RAP1GAP2: variants seen among roughly 807,000 people sequenced by gnomAD.
RAP1GAP2 encodes the protein RAP1 GTPase activating protein 2, also known as rap1 GTPase-activating protein 2.
In RAP1GAP2, 27 loss-of-function variants were observed where a neutral mutation model predicts 95.0. That is an observed-to-expected ratio of 0.28 (90% confidence interval 0.21 to 0.39). The LOEUF (loss-of-function observed/expected upper bound fraction) is 0.39. Ranked by LOEUF, RAP1GAP2 falls within the 10% of genes least tolerant of loss-of-function variation. The probability of loss-of-function intolerance (pLI) is 1.00; values close to 1 mark genes in which losing one functional copy is unlikely to be tolerated. For missense variants in RAP1GAP2, 771 were observed against 970.0 expected, an observed-to-expected ratio of 0.79 and a Z score of 2.72; for synonymous variants, 373 against 380.9, an observed-to-expected ratio of 0.98 and a Z score of 0.24.
intron 2 of RAP1GAP2, among the ~76,000 whole-genome samples, chr17:2,858,394 C>G (rs2072236298): frequency 6.6e-6 from 1 of 152,028 alleles, no homozygotes; most frequent in African/African-American, 2.4e-5. Flanking sequence ...AAGCCTATCG[C>G]AATTCTTGTT....
In RAP1GAP2 at chr17:2,797,260, C is replaced by G. The variant is rs1386438868; in HGVS notation, c.44+689C>G. Among the ~76,000 whole-genome samples the G allele has an allele frequency of 6.6e-6, 1 of 152,174 alleles. No homozygotes were observed. Among genetic ancestry groups the G allele is most frequent in the Non-Finnish European group, 1.5e-5 (1 of 68,030 alleles). ...AGCTGCATCTGTCCCCAGCCTCCTG[C>G]CTGGCCCTCTGGACACTCTTGCCTC... On this transcript the variant is annotated intron_variant, in intron 1 of 24. Coordinates refer to ENST00000254695, the MANE Select transcript of RAP1GAP2 (RefSeq NM_015085.5). This position sits in a 1 kb window ranked among gnomAD's most constrained non-coding sequence, Gnocchi z 5.6.
chr17:2,891,910 G>A (rs1306320940), intron 2 of RAP1GAP2, among the ~76,000 whole-genome samples: 3 of 129,458 alleles, frequency 2.3e-5, no homozygotes, highest in African/African-American at 8.8e-5. Context: ...TGCAACCTCT[G>A]CCTCCTCGGT....
chr17:2,897,632 T>A (rs778456139), intron 2 of RAP1GAP2, among the ~76,000 whole-genome samples: 1 of 151,678 alleles, frequency 6.6e-6, no homozygotes, highest in African/African-American at 2.4e-5. Context: ...GGTGCTGGGA[T>A]GACAGGCGTG....
chr17:3,016,054 G>A (rs1365941473), intron 17 of RAP1GAP2, among the ~76,000 whole-genome samples: 1 of 152,184 alleles, frequency 6.6e-6, no homozygotes, highest in Non-Finnish European at 1.5e-5. Flanking sequence ...GAAAATTCAT[G>A]AGCTGGTGTC....
At position 3,003,439 on chromosome 17, in the gene RAP1GAP2, G is replaced by A. The variant is rs2046231560; in HGVS notation, c.1201-1930G>A. ...TCAGGAATCTCAGGTGAAGCCCACC[G>A]CCGGGGAGGGCCCTGTCTTTGTAGC... On this transcript the variant is annotated intron_variant, in intron 14 of 24. Transcript: ENST00000254695. This position sits in a 1 kb window ranked among gnomAD's most constrained non-coding sequence, Gnocchi z 4.1. Among the ~76,000 whole-genome samples the A allele has an allele frequency of 6.6e-6, 1 of 152,056 alleles. No individual in the cohort carries two copies. The highest frequency in any genetic ancestry group is 1.9e-4 in the East Asian group (1 of 5,176).
rs1215478367 is a variant in RAP1GAP2, at chr17:2,817,606, C to T, written c.80+17056C>T. 4.3e-5 allele frequency among the ~76,000 whole-genome samples: 5 copies of T among 116,370 alleles called. 1 individual carries two copies. The highest frequency in any genetic ancestry group is 5.7e-5 in the African/African-American group (2 of 35,088). The allele number at this position is 116,370 out of a possible 152,430, so 76.3% of individuals were successfully genotyped here. On this transcript the variant is annotated intron_variant, in intron 2 of 24. Transcript: ENST00000254695. ...CATGATCTCGGCTCACTGCAACCTC[C>T]GCCTCCCTGGTTCAAGTGATTCTCC...
intron 2 of RAP1GAP2, among the ~76,000 whole-genome samples, chr17:2,828,044 A>G (rs1350115644): frequency 6.6e-6 from 1 of 152,056 alleles, no homozygotes; most frequent in Non-Finnish European, 1.5e-5. Flanking sequence ...GGGTCTTAGA[A>G]TTTAACTTAT....
intron 3 of RAP1GAP2, among the ~76,000 whole-genome samples, chr17:2,938,950 C>T (rs1197119876): frequency 6.6e-6 from 1 of 152,156 alleles, no homozygotes; most frequent in African/African-American, 2.4e-5. Flanking sequence ...CATCCCATTG[C>T]ATTCCAGCCT....
intron 2 of RAP1GAP2, among the ~76,000 whole-genome samples, chr17:2,869,540 C>T (rs1370927965): frequency 6.6e-6 from 1 of 152,068 alleles, no homozygotes; most frequent in Admixed American, 6.6e-5. Flanking sequence ...TGGTGGTTCT[C>T]GCCTGGTCTC....
intron 2 of RAP1GAP2, among the ~76,000 whole-genome samples, chr17:2,819,364 G>A (rs2070181147): frequency 6.7e-6 from 1 of 149,264 alleles, no homozygotes; most frequent in Non-Finnish European, 1.5e-5. Context: ...TTGCTCTGCT[G>A]GAGTGCAGTG....
intron 8 of RAP1GAP2, among the ~76,000 whole-genome samples, chr17:2,966,764 A>G (rs1474594910): frequency 6.6e-6 from 1 of 152,192 alleles, no homozygotes; most frequent in Non-Finnish European, 1.5e-5. Flanking sequence ...CTGGATCTCC[A>G]TCTCCAAATA....
Position 3,005,315 on chromosome 17 carries a change from G to A in RAP1GAP2, c.1201-54G>A. The A allele has an allele frequency of 5.2e-6, 8 of 1,539,814 alleles. No homozygotes were observed. The highest frequency in any genetic ancestry group is 7.2e-6 in the Non-Finnish European group (8 of 1,112,394). On this transcript the variant is annotated intron_variant, in intron 14 of 24. Coordinates refer to ENST00000254695, the MANE Select transcript of RAP1GAP2 (RefSeq NM_015085.5). This position sits in a 1 kb window ranked among gnomAD's most constrained non-coding sequence, Gnocchi z 5.2. ...TTTGTAAGGAGCGTGGCTCCCGTAG[G>A]GGCAGCGCTCGTCTCTTCCCTCCAG...
chr17:2,756,142 G>A (rs1214355218), intron 1 of RAP1GAP2, among the ~76,000 whole-genome samples: 1 of 152,212 alleles, frequency 6.6e-6, no homozygotes, highest in Non-Finnish European at 1.5e-5. Context: ...GCCTCCCTCC[G>A]TTCCTTCTGC....
At chr17:2,761,341 TGCAATGGTGTGATCTCA>T (rs1005669820) in intron 1 of RAP1GAP2, among the ~76,000 whole-genome samples, 4 of 144,862 alleles carry the variant, frequency 2.8e-5, no homozygotes, top group African/African-American at 1.0e-4. Flanking sequence ...CAGGCTGGAG[TGCAATGGTGTGATCTCA>T]GCTCACCGCA....
intron 4 of RAP1GAP2, among the ~76,000 whole-genome samples, chr17:2,961,932 C>T (rs889928977): frequency 2.9e-5 from 4 of 138,556 alleles, no homozygotes; most frequent in South Asian, 2.3e-4. Flanking sequence ...GACGGAGTTT[C>T]GCTCTTGTTG....
At chr17:2,967,955 T>A (rs1324682655) in intron 8 of RAP1GAP2, among the ~76,000 whole-genome samples, 1 of 152,196 alleles carries the variant, frequency 6.6e-6, no homozygotes, top group East Asian at 1.9e-4. Flanking sequence ...TTGGAGACAA[T>A]GAGCCTGTGT....
intron 2 of RAP1GAP2, among the ~76,000 whole-genome samples, chr17:2,852,157 A>G (rs1454797139): frequency 6.6e-6 from 1 of 152,160 alleles, no homozygotes. Context: ...TTTCTCTACC[A>G]AGGACACTCA....
intron 2 of RAP1GAP2, among the ~76,000 whole-genome samples, chr17:2,848,514 T>TA (rs1253185891): frequency 1.1e-4 from 16 of 149,052 alleles, no homozygotes; most frequent in Non-Finnish European, 2.2e-4. Flanking sequence ...TTTTTTTTTT[T>TA]AATTAGTTAT....
chr17:2,981,392 C>T, intron 10 of RAP1GAP2, 144 bp downstream of exon 10: 1 of 754,290 alleles, frequency 1.3e-6, no homozygotes. Context: ...TCTCTCCCTG[C>T]CCACCCCTTC....
Sources: allele counts gnomAD v4.1 joint callset (sites outside exome capture counted in the v4.1 genomes callset), GRCh38; gene constraint gnomAD v4.1.1; non-coding constraint Gnocchi (gnomAD v3.1); transcripts MANE v1.5; gene names NCBI Gene and HGNC (gene_info 2026-07-23, HGNC 2026-07-21).